Variants in NKAIN2 observed in about 807,000 individuals in gnomAD.
The protein encoded by NKAIN2 is sodium/potassium transporting ATPase interacting 2.
In NKAIN2, 14 loss-of-function variants were observed where a neutral mutation model predicts 32.6. The ratio of observed to expected loss-of-function variants is 0.43; its 90% confidence interval spans 0.28 to 0.67. The LOEUF is 0.67. NKAIN2 is among the 30% of genes least tolerant of loss of function. The probability of loss-of-function intolerance (pLI) is 0.17; values close to 1 mark genes in which losing one functional copy is unlikely to be tolerated. For missense variants in NKAIN2, 198 were observed against 258.3 expected (o/e 0.77, Z 1.60); for synonymous variants, 80 against 87.2 (o/e 0.92, Z 0.46).
intron 1 of NKAIN2, among the ~76,000 whole-genome samples, chr6:124,043,625 A>G (rs1188894253): frequency 6.6e-6 from 1 of 152,094 alleles, no homozygotes; most frequent in Non-Finnish European, 1.5e-5. Context: ...GAACTTGCCA[A>G]AACACCTGTC....
At position 123,840,421 on chromosome 6, in the gene NKAIN2, G is replaced by C. The variant is rs182829291; in HGVS notation, c.54+36167G>C. ...GATTTTTAAGCTTGCAAAACTATCAGCAAAAACTCACATATTTGTACCTAA... is the reference window on the plus strand; with the variant it reads ...GATTTTTAAGCTTGCAAAACTATCACCAAAAACTCACATATTTGTACCTAA... On this transcript the variant is annotated intron_variant, in intron 1 of 6. Coordinates refer to ENST00000368417, the MANE Select transcript of NKAIN2 (RefSeq NM_001040214.3). Among the ~76,000 whole-genome samples, 19 of 152,012 alleles carry C rather than the reference G, an allele frequency of 1.2e-4. No homozygotes were observed. The East Asian group carries it at 3.7e-3, about 29-fold the overall frequency.
At chr6:124,217,161 A>T (rs1791521533) in intron 1 of NKAIN2, among the ~76,000 whole-genome samples, 1 of 152,154 alleles carries the variant, frequency 6.6e-6, no homozygotes, top group Non-Finnish European at 1.5e-5. Context: ...ATAATTTTGA[A>T]GTTAAATAAG....
At chr6:124,345,175 G>A (rs996150066) in intron 2 of NKAIN2, among the ~76,000 whole-genome samples, 1 of 152,100 alleles carries the variant, frequency 6.6e-6, no homozygotes, top group Admixed American at 6.6e-5. Context: ...GCATCCCAGG[G>A]ATGAAGTCCA....
At chr6:124,153,445 G>C (rs1385325087) in intron 1 of NKAIN2, among the ~76,000 whole-genome samples, 5 of 151,584 alleles carry the variant, frequency 3.3e-5, no homozygotes, top group Non-Finnish European at 7.4e-5. Flanking sequence ...TGAATTTATA[G>C]ATAACTTGAG....
intron 1 of NKAIN2, among the ~76,000 whole-genome samples, chr6:124,041,691 G>C (rs949623524): frequency 6.6e-6 from 1 of 151,932 alleles, no homozygotes; most frequent in Non-Finnish European, 1.5e-5. Flanking sequence ...AGAAATGTTG[G>C]CTTTTAGATA....
intron 4 of NKAIN2, among the ~76,000 whole-genome samples, chr6:124,708,108 C>T (rs1775201999): frequency 6.7e-6 from 1 of 148,910 alleles, no homozygotes; most frequent in African/African-American, 2.5e-5. Flanking sequence ...AATCCTTTCC[C>T]CATTGCTTGT....
intron 2 of NKAIN2, among the ~76,000 whole-genome samples, chr6:124,330,156 G>A (rs1797597190): frequency 6.6e-6 from 1 of 152,176 alleles, no homozygotes; most frequent in South Asian, 2.1e-4. Flanking sequence ...GAGTTTCAGT[G>A]TTACTGAATG....
intron 3 of NKAIN2, among the ~76,000 whole-genome samples, chr6:124,557,355 A>G (rs1780514497): frequency 6.6e-6 from 1 of 152,060 alleles, no homozygotes; most frequent in Non-Finnish European, 1.5e-5. Context: ...CTAAAAAAAA[A>G]CTCTTTGAGT....
intron 3 of NKAIN2, among the ~76,000 whole-genome samples, chr6:124,451,724 A>C (rs1246642087): frequency 6.6e-6 from 1 of 152,200 alleles, no homozygotes; most frequent in Non-Finnish European, 1.5e-5. Flanking sequence ...TTCTTTCTTT[A>C]TAGATATCTC....
At chr6:124,047,318 C>T (rs1353950374) in intron 1 of NKAIN2, among the ~76,000 whole-genome samples, 1 of 151,888 alleles carries the variant, frequency 6.6e-6, no homozygotes, top group Non-Finnish European at 1.5e-5. Context: ...AGGTAATCTG[C>T]AAATCTCATG....
chr6:124,499,706 AT>A, intron 3 of NKAIN2, among the ~76,000 whole-genome samples: 1 of 152,318 alleles, frequency 6.6e-6, no homozygotes, highest in Non-Finnish European at 1.5e-5. Flanking sequence ...AGTCTCTGTG[AT>A]CATATCCAAA....
intron 1 of NKAIN2, among the ~76,000 whole-genome samples, chr6:123,853,933 C>T (rs544776304): frequency 2.6e-4 from 40 of 152,102 alleles, no homozygotes; most frequent in African/African-American, 7.7e-4. Flanking sequence ...CCACCACACC[C>T]GGCTAATTTT....
chr6:123,813,522 G>A (rs932415664), intron 1 of NKAIN2, among the ~76,000 whole-genome samples: 5 of 152,084 alleles, frequency 3.3e-5, no homozygotes, highest in Non-Finnish European at 7.4e-5. Flanking sequence ...AGAAACTATT[G>A]TAGATTTGGC....
intron 3 of NKAIN2, among the ~76,000 whole-genome samples, chr6:124,497,745 A>C (rs535055259): frequency 6.7e-6 from 1 of 148,368 alleles, no homozygotes; most frequent in Non-Finnish European, 1.5e-5. Context: ...AAAAACTAGG[A>C]GTTGTCAGGC....
At chr6:124,339,883 C>T (rs546821015) in intron 2 of NKAIN2, among the ~76,000 whole-genome samples, 4 of 151,982 alleles carry the variant, frequency 2.6e-5, no homozygotes, top group African/African-American at 7.3e-5. Context: ...GAGTATCAGA[C>T]GTATTATATG....
At chr6:124,050,862 C>T (rs544875074) in intron 1 of NKAIN2, among the ~76,000 whole-genome samples, 80 of 152,120 alleles carry the variant, frequency 5.3e-4, no homozygotes, top group Admixed American at 1.4e-3. Context: ...TAGAATCAAT[C>T]GTACCTATTG....
chr6:123,824,913 A>G (rs1774083729), intron 1 of NKAIN2, among the ~76,000 whole-genome samples: 1 of 152,090 alleles, frequency 6.6e-6, no homozygotes, highest in Non-Finnish European at 1.5e-5. Flanking sequence ...GCAAGGAAGT[A>G]CATGATGTGC....
At chr6:124,241,567 A>C (rs1793095228) in intron 1 of NKAIN2, among the ~76,000 whole-genome samples, 1 of 152,186 alleles carries the variant, frequency 6.6e-6, no homozygotes, top group African/African-American at 2.4e-5. Flanking sequence ...GAAACAGAAC[A>C]GAGGCCTCAG....
chr6:124,078,819 T>TGC (rs1425669758), intron 1 of NKAIN2, among the ~76,000 whole-genome samples: 1 of 151,806 alleles, frequency 6.6e-6, no homozygotes, highest in African/African-American at 2.4e-5. Context: ...TGTGTGTGTG[T>TGC]GTGTGTGTTG....
Sources: allele counts gnomAD v4.1 joint callset (sites outside exome capture counted in the v4.1 genomes callset), GRCh38; gene constraint gnomAD v4.1.1; transcripts MANE v1.5; gene names NCBI Gene and HGNC (gene_info 2026-07-23, HGNC 2026-07-21).